Variants in DGKB observed in about 807,000 individuals in gnomAD.
DGKB encodes 90 kDa diacylglycerol kinase.
In DGKB, 67 loss-of-function variants were observed where a neutral mutation model predicts 114.3. The ratio of observed to expected loss-of-function variants is 0.59; its 90% CI spans 0.48 to 0.72. The LOEUF (loss-of-function observed/expected upper bound fraction) is 0.72, where lower values mean the gene tolerates loss of function less well. DGKB is among the 30% of genes least tolerant of loss of function. The pLI is 0.00. For missense variants in DGKB, 907 were observed against 975.2 expected (o/e 0.93, Z 0.93); for synonymous variants, 398 against 323.1 (o/e 1.23, Z -2.49).
intron 17 of DGKB, among the ~76,000 whole-genome samples, chr7:14,591,345 T>C (rs1563613900): frequency 6.6e-6 from 1 of 152,152 alleles, no homozygotes; most frequent in African/African-American, 2.4e-5. Context: ...GCTTGGGTCC[T>C]GAATTTATTT....
At chr7:14,474,778 C>T (rs1001379939) in intron 21 of DGKB, among the ~76,000 whole-genome samples, 2 of 150,672 alleles carry the variant, frequency 1.3e-5, no homozygotes, top group African/African-American at 4.9e-5. Context: ...ATTTTAAATA[C>T]CAATATTATG....
intron 21 of DGKB, among the ~76,000 whole-genome samples, chr7:14,414,210 G>A (rs56352403): frequency 0.32 from 49,154 of 151,972 alleles, 8,600 homozygotes; most frequent in East Asian, 0.48. Context: ...CAATCAGTGT[G>A]AGAGACTGGG....
At chr7:14,660,374 T>C (rs1159636607) in intron 13 of DGKB, among the ~76,000 whole-genome samples, 1 of 151,924 alleles carries the variant, frequency 6.6e-6, no homozygotes, top group African/African-American at 2.4e-5. Context: ...GGACTCTTTT[T>C]GGTTGGTAAG....
intron 13 of DGKB, among the ~76,000 whole-genome samples, chr7:14,637,624 A>G (rs1449780160): frequency 6.6e-6 from 1 of 151,420 alleles, no homozygotes; most frequent in African/African-American, 2.4e-5. Flanking sequence ...GTGTATATAC[A>G]CATATATACA....
At chr7:14,666,906 C>T (rs752027179) in intron 13 of DGKB, among the ~76,000 whole-genome samples, 6 of 151,950 alleles carry the variant, frequency 3.9e-5, no homozygotes, top group Non-Finnish European at 8.8e-5. Flanking sequence ...ATGCCAATTG[C>T]AACCTCAGAA....
chr7:14,660,621 T>C (rs1816851292), intron 13 of DGKB, among the ~76,000 whole-genome samples: 1 of 151,992 alleles, frequency 6.6e-6, no homozygotes, highest in Non-Finnish European at 1.5e-5. Flanking sequence ...TTTTCTTTAT[T>C]AGTCTTGCTA....
chr7:14,673,558 AAAG>A (rs759052958), intron 12 of DGKB, among the ~76,000 whole-genome samples: 4 of 152,160 alleles, frequency 2.6e-5, no homozygotes, highest in Non-Finnish European at 4.4e-5. Context: ...GATATAAATA[AAAG>A]AAGATGATTA....
chr7:14,944,932 T>C (rs1342632499), intron 1 of DGKB, among the ~76,000 whole-genome samples: 1 of 151,818 alleles, frequency 6.6e-6, no homozygotes, highest in Non-Finnish European at 1.5e-5. Flanking sequence ...GCGATAATCA[T>C]ACCATAATCA....
At chr7:14,423,771 C>T (rs572217885) in intron 21 of DGKB, among the ~76,000 whole-genome samples, 1 of 152,182 alleles carries the variant, frequency 6.6e-6, no homozygotes, top group East Asian at 1.9e-4. Flanking sequence ...TGCTCTAACC[C>T]TTGAATTTGG....
chr7:14,544,157 T>G (rs149899058), intron 20 of DGKB, among the ~76,000 whole-genome samples: 2 of 152,312 alleles, frequency 1.3e-5, no homozygotes, highest in East Asian at 3.9e-4. Flanking sequence ...TTAGAAAACC[T>G]CAGCAGAACA....
chr7:14,857,131 T>C (rs1050402936), intron 1 of DGKB, among the ~76,000 whole-genome samples: 2 of 152,072 alleles, frequency 1.3e-5, no homozygotes, highest in Non-Finnish European at 2.9e-5. Flanking sequence ...GTGAACTCCA[T>C]CTAGTAGATG....
intron 1 of DGKB, among the ~76,000 whole-genome samples, chr7:14,921,340 G>C (rs1784500856): frequency 6.6e-6 from 1 of 152,038 alleles, no homozygotes; most frequent in East Asian, 1.9e-4. Context: ...AGAAGGAGAA[G>C]GGTATATACA....
At chr7:14,594,550 A>T (rs908310062) in intron 17 of DGKB, among the ~76,000 whole-genome samples, 4 of 152,138 alleles carry the variant, frequency 2.6e-5, no homozygotes, top group African/African-American at 9.7e-5. Flanking sequence ...TATTACTTCT[A>T]ATTGGAAAGC....
intron 21 of DGKB, among the ~76,000 whole-genome samples, chr7:14,385,886 C>T (rs1820262636): frequency 6.6e-6 from 1 of 152,160 alleles, no homozygotes; most frequent in Non-Finnish European, 1.5e-5. Context: ...GATATGAAAA[C>T]ATCTGTCATT....
chr7:14,149,200 C>T lies in DGKB; in HGVS notation c.2343G>A (p.Met781Ile), dbSNP rs764433494. The change falls in exon 26 of 26, where the codon ATG becomes ATA. Residue 781 changes from methionine (M) to isoleucine (I), a missense_variant. By Grantham distance (10) the Met-to-Ile change is conservative. This residue lies in a region of DGKB where 58 missense variants were observed against 52.5 expected (regional missense o/e 1.10). Transcript: ENST00000402815. ...ATAAACCGGTTTTTGGAGGCGGGCC[C>T]ATCAGCATTGGGGCTTGGTTCTTGT... ...ITHKNQAPML[M>I]GPPPKTGLFC... 6.2e-7 allele frequency: 1 copy of T among 1,613,364 alleles called. No homozygotes were observed. Among genetic ancestry groups the T allele is most frequent in the Admixed American group, 1.7e-5 (1 of 59,968 alleles).
At chr7:14,433,130 C>A (rs1583901401) in intron 21 of DGKB, among the ~76,000 whole-genome samples, 1 of 152,156 alleles carries the variant, frequency 6.6e-6, no homozygotes, top group Admixed American at 6.6e-5. Flanking sequence ...CACACACTCT[C>A]CCTGGGAGCA....
At chr7:14,249,062 A>G (rs1242780476) in intron 23 of DGKB, among the ~76,000 whole-genome samples, 1 of 152,028 alleles carries the variant, frequency 6.6e-6, no homozygotes, top group African/African-American at 2.4e-5. Context: ...AAATATGTTA[A>G]TTCTTTTTCA....
chr7:14,799,088 C>A (rs1005733188), intron 2 of DGKB, among the ~76,000 whole-genome samples: 1 of 152,160 alleles, frequency 6.6e-6, no homozygotes, highest in African/African-American at 2.4e-5. Context: ...AATGATAGTG[C>A]ATTATTATAA....
At chr7:14,281,798 G>A (rs1800003263) in intron 23 of DGKB, among the ~76,000 whole-genome samples, 1 of 150,894 alleles carries the variant, frequency 6.6e-6, no homozygotes, top group Non-Finnish European at 1.5e-5. Flanking sequence ...AAATAAAGAT[G>A]TTCTTTGAAA....
Sources: allele counts gnomAD v4.1 joint callset (sites outside exome capture counted in the v4.1 genomes callset), GRCh38; gene constraint gnomAD v4.1.1; regional missense constraint gnomAD v4.1.1; transcripts MANE v1.5; gene names NCBI Gene and HGNC (gene_info 2026-07-23, HGNC 2026-07-21).